The following MXI1 variants were observed in gnomAD, a reference collection of about 807,000 sequenced individuals.
MXI1 encodes the protein max-interacting protein 1.
Under a neutral mutation model 36.9 loss-of-function variants are expected in MXI1, and 18 were observed. The observed-to-expected ratio is 0.49, with a 90% confidence interval of 0.34 to 0.72. The LOEUF is 0.72. MXI1 is among the 30% of genes least tolerant of loss of function. The pLI is 0.01. For missense variants in MXI1, 304 were observed against 379.1 expected (o/e 0.80, Z 1.64); for synonymous variants, 160 against 146.7 (o/e 1.09, Z -0.65).
intron 1 of MXI1, among the ~76,000 whole-genome samples, chr10:110,210,517 C>T (rs1854485313): frequency 6.6e-6 from 1 of 152,126 alleles, no homozygotes; most frequent in African/African-American, 2.4e-5. Context: ...AGGCCCTCGC[C>T]CCGTCCCCAA....
intron 1 of MXI1, among the ~76,000 whole-genome samples, chr10:110,222,244 A>G (rs1854834470): frequency 6.6e-6 from 1 of 152,024 alleles, no homozygotes; most frequent in African/African-American, 2.4e-5. Flanking sequence ...TTATTTGAAA[A>G]CGCCCATCCT....
rs1491115938 is a variant in MXI1 at position 110,279,162 on chromosome 10, ACT to A, written c.438-17_438-16del. The A allele has an allele frequency of 2.5e-6, 4 of 1,579,592 alleles. No individual in the cohort carries two copies. The highest frequency in any genetic ancestry group is 3.5e-6 in the Non-Finnish European group (4 of 1,149,708). On this transcript the variant is annotated splice_polypyrimidine_tract_variant and intron_variant, in intron 3 of 5. Transcript: ENST00000332674. ...GAAATAACCAGACTGTGCTGATTTG[ACT>A]TTTTGTCTTTCTTAGACGAGCTCAT... is the stretch of plus-strand genomic sequence containing the variant.
intron 3 of MXI1, among the ~76,000 whole-genome samples, chr10:110,265,905 T>A (rs906267786): frequency 9.9e-5 from 15 of 152,220 alleles, no homozygotes; most frequent in Admixed American, 5.2e-4. Context: ...GGAGAAACAC[T>A]ACATCTGAGT....
chr10:110,250,744 A>G (rs894596144), intron 3 of MXI1, among the ~76,000 whole-genome samples: 1 of 150,632 alleles, frequency 6.6e-6, no homozygotes, highest in Non-Finnish European at 1.5e-5. Context: ...AGGCACAAGA[A>G]TTGCTTGAAC....
chr10:110,246,834 A>T (rs1855883501), intron 3 of MXI1, among the ~76,000 whole-genome samples: 1 of 152,166 alleles, frequency 6.6e-6, no homozygotes, highest in African/African-American at 2.4e-5. Flanking sequence ...TTTATTAAAG[A>T]TCTGGATGGA....
chr10:110,279,930 AAAG>A lies in MXI1; in HGVS notation c.572_574del (p.Arg191del). ...TCATTTCAGAAACTTGAAGAAGCTG[AAAG>A]AAAAAGCCAGCACCAGCTCGAGAAT... is the stretch of plus-strand genomic sequence containing the variant. On this transcript the variant is annotated inframe_deletion, in exon 5 of 6. Coordinates refer to ENST00000332674, the MANE Select transcript of MXI1 (RefSeq NM_130439.3). 1 of 1,605,708 alleles carries A rather than the reference AAAG, an allele frequency of 6.2e-7. No individual in the cohort carries two copies. Among genetic ancestry groups the A allele is most frequent in the Non-Finnish European group, 8.5e-7 (1 of 1,177,554 alleles).
chr10:110,209,068 C>T (rs939483213), intron 1 of MXI1, among the ~76,000 whole-genome samples: 7 of 150,920 alleles, frequency 4.6e-5, no homozygotes, highest in South Asian at 2.1e-4. Flanking sequence ...CCACCCTGGC[C>T]TGGCTTCTTT....
intron 1 of MXI1, chr10:110,227,955 G>T: frequency 2.0e-6 from 1 of 498,768 alleles, no homozygotes; most frequent in Non-Finnish European, 3.6e-6. Flanking sequence ...ATTTTGGAAA[G>T]GGGGGATAAA....
chr10:110,237,475 A>G (rs1413818868), intron 2 of MXI1, among the ~76,000 whole-genome samples: 3 of 152,130 alleles, frequency 2.0e-5, no homozygotes, highest in Non-Finnish European at 2.9e-5. Flanking sequence ...TTCTGTTAAT[A>G]TGGAGGATTA....
chr10:110,238,440 T>G (rs991361938), intron 2 of MXI1, among the ~76,000 whole-genome samples: 4 of 152,222 alleles, frequency 2.6e-5, no homozygotes, highest in Non-Finnish European at 5.9e-5. Context: ...TTCTGTATAT[T>G]ATTGGGTTCA....
intron 2 of MXI1, among the ~76,000 whole-genome samples, chr10:110,232,603 C>G (rs1855315337): frequency 6.6e-6 from 1 of 152,208 alleles, no homozygotes; most frequent in Non-Finnish European, 1.5e-5. Context: ...GATTGAGTCT[C>G]TTCTGCTTAA....
chr10:110,271,453 A>G (rs1856850219), intron 3 of MXI1, among the ~76,000 whole-genome samples: 1 of 152,236 alleles, frequency 6.6e-6, no homozygotes, highest in East Asian at 1.9e-4. Context: ...TCTCAATTGA[A>G]ATACAGTGTG....
intron 2 of MXI1, among the ~76,000 whole-genome samples, chr10:110,238,809 A>G (rs1323636598): frequency 6.6e-6 from 1 of 152,148 alleles, no homozygotes. Flanking sequence ...CTTTCAAGAA[A>G]TTTGTTCATA....
chr10:110,246,230 A>G (rs1183992726), intron 3 of MXI1, among the ~76,000 whole-genome samples: 2 of 152,014 alleles, frequency 1.3e-5, no homozygotes, highest in Non-Finnish European at 2.9e-5. Flanking sequence ...GGCTAAGGCA[A>G]GAGGATCACT....
chr10:110,265,538 C>CT (rs1385303428), intron 3 of MXI1, among the ~76,000 whole-genome samples: 1 of 152,116 alleles, frequency 6.6e-6, no homozygotes, highest in Non-Finnish European at 1.5e-5. Context: ...GTTCCTGACA[C>CT]TGACAGAGGA....
chr10:110,273,606 C>T (rs892023447), intron 3 of MXI1, among the ~76,000 whole-genome samples: 7 of 151,132 alleles, frequency 4.6e-5, no homozygotes, highest in African/African-American at 1.7e-4. Context: ...GCTGCTGTCA[C>T]GTGCAGGAGT....
In MXI1 at chr10:110,269,144, G is replaced by T. The variant is rs139455041; in HGVS notation, c.438-10036G>T. On this transcript the variant is annotated intron_variant, in intron 3 of 5. Transcript: ENST00000332674. The stretch of plus-strand genomic sequence containing the variant: ...GATGTCCAGCAATGCCAAACCATTT[G>T]CCATCTGCCAGTAGTAAGCATGGTT... 7.5e-3 allele frequency among the ~76,000 whole-genome samples: 1,136 copies of T among 152,262 alleles called. 12 individuals carry two copies. Among genetic ancestry groups the T allele is most frequent in the African/African-American group, 0.026 (1,074 of 41,548 alleles).
At chr10:110,267,520 G>A (rs1447784615) in intron 3 of MXI1, among the ~76,000 whole-genome samples, 1 of 151,958 alleles carries the variant, frequency 6.6e-6, no homozygotes, top group Non-Finnish European at 1.5e-5. Context: ...CTTTATTCCA[G>A]CCTGATTCAC....
intron 3 of MXI1, among the ~76,000 whole-genome samples, chr10:110,250,147 T>G (rs979655084): frequency 2.6e-5 from 4 of 152,124 alleles, no homozygotes; most frequent in African/African-American, 7.2e-5. Context: ...GAAATTCAGA[T>G]TTTTTTCTTG....
Sources: allele counts gnomAD v4.1 joint callset (sites outside exome capture counted in the v4.1 genomes callset), GRCh38; gene constraint gnomAD v4.1.1; transcripts MANE v1.5; gene names NCBI Gene and HGNC (gene_info 2026-07-23, HGNC 2026-07-21).